The following CCDC82 variants were observed in gnomAD, a reference collection of about 807,000 sequenced individuals.
The protein encoded by CCDC82 is coiled-coil domain-containing protein 82.
CCDC82 carries 47 observed loss-of-function variants against 60.6 expected under a neutral mutation model. The observed-to-expected ratio is 0.77, with a 90% confidence interval of 0.61 to 0.99. The LOEUF is 0.99. Among genes scored for constraint, CCDC82 ranks in the 50% least tolerant of loss-of-function variants. The probability of loss-of-function intolerance (pLI) is 0.00; values close to 1 mark genes in which losing one functional copy is unlikely to be tolerated. For synonymous variants in CCDC82, 212 were observed against 207.4 expected, an observed-to-expected ratio of 1.02 and a Z score of -0.19; for missense variants, 588 against 633.0, an observed-to-expected ratio of 0.93 and a Z score of 0.76.
chr11:96,379,993 C>G (rs559757295), intron 5 of CCDC82, among the ~76,000 whole-genome samples: 4 of 151,574 alleles, frequency 2.6e-5, no homozygotes, highest in Non-Finnish European at 5.9e-5. Flanking sequence ...ATATTACAAA[C>G]GGAAATGCAA....
At chr11:96,356,817 T>C (rs1407535829) in intron 9 of CCDC82, 2 of 985,170 alleles carry the variant, frequency 2.0e-6, no homozygotes, top group Non-Finnish European at 2.4e-6. Context: ...GGCATGTCTT[T>C]GGGAAGACAT....
At chr11:96,361,058 G>A (rs1177171793) in intron 8 of CCDC82, among the ~76,000 whole-genome samples, 1 of 152,186 alleles carries the variant, frequency 6.6e-6, no homozygotes, top group Non-Finnish European at 1.5e-5. Context: ...AGTCCTGGTA[G>A]TAATGACATT....
chr11:96,357,276 T>C, intron 9 of CCDC82: 1 of 985,420 alleles, frequency 1.0e-6, no homozygotes, highest in Non-Finnish European at 1.2e-6. Context: ...GAACAAATTT[T>C]TTAAGTGGAG....
intron 2 of CCDC82, chr11:96,386,836 T>C (rs1591229571): frequency 6.6e-6 from 1 of 152,208 alleles, no homozygotes; most frequent in Non-Finnish European, 1.5e-5. Context: ...AAGATGAAAA[T>C]TGTGTGTAGT....
At chr11:96,386,369 T>G (rs1300041614) in intron 2 of CCDC82, 76 bp from the exon 3 acceptor site, 1 of 152,352 alleles carries the variant, frequency 6.6e-6, no homozygotes, top group East Asian at 1.9e-4. Context: ...AATAAGACTT[T>G]CTGTATAATG....
At chr11:96,389,590 C>G (rs1866431524) in intron 1 of CCDC82, 1 of 152,776 alleles carries the variant, frequency 6.5e-6, no homozygotes, top group Non-Finnish European at 1.5e-5. Context: ...CAACCGAGCT[C>G]CCTACATCAG....
At chr11:96,373,176 A>G (rs1225504506) in intron 6 of CCDC82, among the ~76,000 whole-genome samples, 199 bp downstream of exon 6, 2 of 152,178 alleles carry the variant, frequency 1.3e-5, no homozygotes, top group African/African-American at 4.8e-5. Flanking sequence ...TACCTTCCAC[A>G]TATCTCAGAT....
At chr11:96,383,496 T>A in intron 4 of CCDC82, 23 bp from the exon 5 acceptor site, 1 of 1,469,914 alleles carries the variant, frequency 6.8e-7, no homozygotes, top group Non-Finnish European at 9.3e-7. Context: ...AAATAAATGC[T>A]TCAGTAAATG....
Position 96,353,453 on chromosome 11 carries a change from T to G in CCDC82, c.*193A>C, listed in dbSNP as rs1233319400. The G allele has an allele frequency of 1.9e-6, 1 of 523,818 alleles. No homozygotes were observed. The highest frequency in any genetic ancestry group is 1.9e-5 in the African/African-American group (1 of 51,644). The allele number at this position is 523,818 out of a possible 1,614,324, so 32.4% of individuals were successfully genotyped here. On this transcript the variant is annotated 3_prime_UTR_variant, in exon 10 of 10. Coordinates refer to ENST00000646818, the MANE Select transcript of CCDC82 (RefSeq NM_024725.4). ...CTTAAAAATTAAGATAATGCTTTTA[T>G]GTACATCAGATAAAAGTTTAATTAG...
chr11:96,372,363 A>C (rs1350614115), intron 6 of CCDC82, among the ~76,000 whole-genome samples: 1 of 151,784 alleles, frequency 6.6e-6, no homozygotes, highest in African/African-American at 2.4e-5. Flanking sequence ...CACCACTGAA[A>C]TCGTATTATA....
chr11:96,370,945 G>C (rs912559322), intron 7 of CCDC82, 68 bp downstream of exon 7: 3 of 1,337,284 alleles, frequency 2.2e-6, no homozygotes, highest in Non-Finnish European at 3.0e-6. Context: ...ATTCAGTCTG[G>C]ATTTTAAAAT....
chr11:96,382,414 T>C (rs1865923329), intron 5 of CCDC82: 1 of 151,822 alleles, frequency 6.6e-6, no homozygotes. Flanking sequence ...ACCTGAGAAA[T>C]ATTCTCATGG....
rs370081474 is a variant in CCDC82, at chr11:96,365,009, T to C, written c.1351A>G (p.Ile451Val). Residue 451 changes from isoleucine to valine, a missense_variant, in exon 8 of 10, where the codon ATA becomes GTA. By Grantham distance (29) the Ile-to-Val change is conservative (BLOSUM62 3). Transcript: ENST00000646818. ...GELYNTRTMQ[I>V]DNFMSHDKQV... ...TTATCATGTGACATGAAATTATCTA[T>C]TTGCATGGTCCTGGTGTTATACAAC... 1 of 1,604,876 alleles carries C rather than the reference T, an allele frequency of 6.2e-7. No homozygotes were observed. Among genetic ancestry groups the C allele is most frequent in the Non-Finnish European group, 8.5e-7 (1 of 1,177,128 alleles).
chr11:96,367,361 C>A (rs1865002884), intron 7 of CCDC82, among the ~76,000 whole-genome samples: 1 of 152,212 alleles, frequency 6.6e-6, no homozygotes, highest in Non-Finnish European at 1.5e-5. Flanking sequence ...AACCCTGACA[C>A]TGCTTTAACA....
intron 7 of CCDC82, among the ~76,000 whole-genome samples, chr11:96,368,358 A>G (rs1765776248): frequency 6.6e-6 from 1 of 152,136 alleles, no homozygotes; most frequent in Non-Finnish European, 1.5e-5. Flanking sequence ...ACTATGCTAT[A>G]AACAGATGTG....
chr11:96,370,987 CAG>C (rs1476357452), intron 7 of CCDC82, 24 bp downstream of exon 7: 12 of 1,489,790 alleles, frequency 8.1e-6, no homozygotes, highest in Non-Finnish European at 1.1e-5. Context: ...AACCCCCAAG[CAG>C]AGATTCAAAA....
intron 5 of CCDC82, among the ~76,000 whole-genome samples, chr11:96,379,588 G>A (rs1161894080): frequency 6.6e-6 from 1 of 151,804 alleles, no homozygotes; most frequent in Non-Finnish European, 1.5e-5. Context: ...CACATGGCTT[G>A]TTTTATTGAG....
chr11:96,364,736 ATG>A lies in CCDC82; in HGVS notation c.1380+242_1380+243del, dbSNP rs2136101924. 4 of 345,028 alleles carry A rather than the reference ATG, an allele frequency of 1.2e-5. No homozygotes were observed. In the South Asian group the frequency reaches 1.3e-4, roughly 11 times the overall value. 21.4% of individuals were successfully genotyped at this position (345,028 alleles called of 1,614,324 possible). A position where few individuals can be genotyped will look rare whatever the true frequency, so the allele number is the denominator to read the frequency against. ...ATACAGAATTAATAGCATCTTAACT[ATG>A]TGGTGATTGCTCTAGACTCTGACAT... On this transcript the variant is annotated intron_variant, in intron 8 of 9. Coordinates refer to ENST00000646818, the MANE Select transcript of CCDC82 (RefSeq NM_024725.4).
intron 7 of CCDC82, among the ~76,000 whole-genome samples, chr11:96,368,426 A>C (rs1030484216): frequency 1.3e-5 from 2 of 152,152 alleles, no homozygotes; most frequent in African/African-American, 4.8e-5. Context: ...AGTTTAGCAT[A>C]ATTCTCAAAG....
Sources: gnomAD v4.1 joint callset for allele counts (sites outside exome capture counted in the v4.1 genomes callset) on GRCh38, gnomAD v4.1.1 for gene constraint, MANE v1.5 for transcripts, NCBI Gene and HGNC (gene_info 2026-07-23, HGNC 2026-07-21) for gene names.